MYH2: variants seen among roughly 807,000 people sequenced by gnomAD.
MYH2 encodes the protein myosin heavy chain 2.
MYH2 carries 139 observed loss-of-function variants against 228.1 expected under a neutral mutation model. That is an observed-to-expected ratio of 0.61 (90% CI 0.53 to 0.70). The LOEUF is 0.70. Ranked by LOEUF, MYH2 falls within the 30% of genes least tolerant of loss-of-function variation. The probability of loss-of-function intolerance (pLI) is 0.00; values close to 1 mark genes in which losing one functional copy is unlikely to be tolerated. For synonymous variants in MYH2, 796 were observed against 871.1 expected, an observed-to-expected ratio of 0.91 and a Z score of 1.52; for missense variants, 1,809 against 2,357.5, an observed-to-expected ratio of 0.77 and a Z score of 4.82.
rs371720928 is a variant in MYH2, at chr17:10,525,887, A to T, written c.4188-11T>A. 6.2e-7 allele frequency: 1 copy of T among 1,613,708 alleles called. No individual in the cohort carries two copies. The highest frequency in any genetic ancestry group is 1.1e-5 in the South Asian group (1 of 91,066). ...TGGGCCAGCTTCTTCCTTGAATATT[A>T]TACATGTTTTCAGAGAGAAGTGAAC... is the stretch of plus-strand genomic sequence containing the variant. On this transcript the variant is annotated splice_polypyrimidine_tract_variant and intron_variant, in intron 30 of 39. Coordinates refer to ENST00000245503, the MANE Select transcript of MYH2 (RefSeq NM_017534.6). This position sits in a 1 kb window ranked among gnomAD's most constrained non-coding sequence, Gnocchi z 4.2.
In MYH2 at chr17:10,525,743, T is replaced by C; in HGVS notation, c.4321A>G (p.Thr1441Ala). ...VEDLMLDVER[T>A]NAACAALDKK... Reference sequence around the variant, plus strand: ...TCAAGGGCGGCACAGGCGGCATTTGTCCTCTCCACATCAAGCATGAGGTCC... The same window carrying C: ...TCAAGGGCGGCACAGGCGGCATTTGCCCTCTCCACATCAAGCATGAGGTCC... Residue 1441 changes from threonine to alanine, a missense_variant, in exon 31 of 40, where the codon ACA (threonine) becomes GCA (alanine). This residue lies in a region of MYH2 where 636 missense variants were observed against 729.9 expected (regional missense o/e 0.87). Coordinates refer to ENST00000245503, the MANE Select transcript of MYH2 (RefSeq NM_017534.6). This position sits in a 1 kb window ranked among gnomAD's most constrained non-coding sequence, Gnocchi z 4.2. 1 of 1,614,206 alleles carries C rather than the reference T, an allele frequency of 6.2e-7. No homozygotes were observed.
Position 10,544,018 on chromosome 17 carries a change from T to C in MYH2, c.534-2A>G, listed in dbSNP as rs1360288326. 1 of 1,614,186 alleles carries C rather than the reference T, an allele frequency of 6.2e-7. No homozygotes were observed. The highest frequency in any genetic ancestry group is 1.7e-5 in the Admixed American group (1 of 60,018). On this transcript the variant is annotated splice_acceptor_variant, in intron 6 of 39. Coordinates refer to ENST00000245503, the MANE Select transcript of MYH2 (RefSeq NM_017534.6). LOFTEE classifies it high-confidence loss of function. ...GTCTTCCCTGCACCAGATTCTCCAC[T>C]GTCAAATCAAAACTCAATCAGATGT...
chr17:10,544,326 A>G (rs1389972461), intron 5 of MYH2, among the ~76,000 whole-genome samples, 199 bp from the exon 6 acceptor site: 1 of 152,150 alleles, frequency 6.6e-6, no homozygotes, highest in Non-Finnish European at 1.5e-5. Context: ...CACTACTTTT[A>G]TTGGTTTTAT....
chr17:10,547,743 CTT>C lies in MYH2; in HGVS notation c.176_177del (p.Lys59SerfsTer6), dbSNP rs2073654038. On this transcript the variant is annotated frameshift_variant, in exon 3 of 40. Coordinates refer to ENST00000245503, the MANE Select transcript of MYH2 (RefSeq NM_017534.6). LOFTEE classifies it high-confidence loss of function. ...GCTCCTCCCTCAGTCTTCACCGTCA[CTT>C]TTCCTCCTTCTCTGCTCTGGATGGT... ...KGTIQSREGG[K>X]VTVKTEGGAT... 1 of 1,614,256 alleles carries C rather than the reference CTT, an allele frequency of 6.2e-7. No homozygotes were observed. Among genetic ancestry groups the C allele is most frequent in the East Asian group, 2.2e-5 (1 of 44,882 alleles).
rs2073389994 is a variant in MYH2, at chr17:10,528,985, T to A, written c.3449A>T (p.Glu1150Val). The change falls in exon 27 of 40, where the codon GAG (glutamate) becomes GTG (valine). Residue 1150 changes from glutamate to valine, a missense_variant. Transcript: ENST00000245503. ...TTCTTCCAGCCTCTCGCTGATCTCC[T>A]CCAGCTCCCGGGAGAGGTCAGAGCG... is the stretch of plus-strand genomic sequence containing the variant. ...KQRSDLSREL[E>V]EISERLEEAG... is the part of the protein sequence containing the mutation. The A allele has an allele frequency of 6.2e-7, 1 of 1,614,070 alleles. No individual in the cohort carries two copies. Among genetic ancestry groups the A allele is most frequent in the African/African-American group, 1.3e-5 (1 of 74,950 alleles).
intron 10 of MYH2, among the ~76,000 whole-genome samples, chr17:10,541,632 A>G (rs2142316224): frequency 1.3e-5 from 2 of 152,214 alleles, no homozygotes; most frequent in Admixed American, 1.3e-4. Flanking sequence ...TGTGACCCAC[A>G]CCCTATTCGT....
intron 21 of MYH2, among the ~76,000 whole-genome samples, chr17:10,532,276 G>T (rs1597452264): frequency 6.6e-6 from 1 of 152,270 alleles, no homozygotes; most frequent in South Asian, 2.1e-4. Context: ...GTATGTCAGT[G>T]CTTCTCAAAC....
Position 10,543,724 on chromosome 17 carries a change from T to C in MYH2, c.728A>G (p.Asn243Ser). 2 of 1,613,836 alleles carry C rather than the reference T, an allele frequency of 1.2e-6. No individual in the cohort carries two copies. The highest frequency in any genetic ancestry group is 1.7e-5 in the Admixed American group (1 of 59,968). ...CAAGAGACTTACAAAGCGAGAGGAGTTGTCATTCCTCACGGTCTTGGCGTT... is the reference window on the plus strand; with the variant it reads ...CAAGAGACTTACAAAGCGAGAGGAGCTGTCATTCCTCACGGTCTTGGCGTT... ...FGNAKTVRNDNSSRFGKFIRI... is the reference protein window; with the variant it reads ...FGNAKTVRNDSSSRFGKFIRI... The change falls in exon 8 of 40, where the codon AAC becomes AGC. Residue 243 changes from asparagine (N) to serine (S), a missense_variant. By Grantham distance (46) the Asn-to-Ser change is conservative (BLOSUM62 1). Coordinates refer to ENST00000245503, the MANE Select transcript of MYH2 (RefSeq NM_017534.6).
rs770934297 is a variant in MYH2 at position 10,540,645 on chromosome 17, C to T, written c.957G>A (p.Gly319=). 7 of 1,613,908 alleles carry T rather than the reference C, an allele frequency of 4.3e-6. No individual in the cohort carries two copies. Among genetic ancestry groups the T allele is most frequent in the Non-Finnish European group, 5.1e-6 (6 of 1,179,776 alleles). ...NPYDYPFVSQ[G]EISVASIDDQ... Reference sequence around the variant, plus strand: ...CATCGATGCTGGCCACACTGATCTCCCCTTGACTGACAAATGGGTAATCAT... The same window carrying T: ...CATCGATGCTGGCCACACTGATCTCTCCTTGACTGACAAATGGGTAATCAT... The change falls in exon 11 of 40, where the codon GGG becomes GGA. Residue 319 remains glycine (G), a synonymous_variant. Transcript: ENST00000245503.
chr17:10,535,795 C>G (rs1376552703), intron 17 of MYH2, among the ~76,000 whole-genome samples: 6 of 152,206 alleles, frequency 3.9e-5, no homozygotes, highest in Non-Finnish European at 7.3e-5. Context: ...TTTTCCAGCT[C>G]TATCAATTTT....
rs1567738434 is a variant in MYH2, at chr17:10,547,472, C to T, written c.348+3G>A. 6.2e-7 allele frequency: 1 copy of T among 1,614,082 alleles called. No homozygotes were observed. The highest frequency in any genetic ancestry group is 8.5e-7 in the Non-Finnish European group (1 of 1,179,978). On this transcript the variant is annotated splice_donor_region_variant and intron_variant, in intron 4 of 39. Coordinates refer to ENST00000245503, the MANE Select transcript of MYH2 (RefSeq NM_017534.6). ...ATACAGAGCACTGGCAGGGGACACT[C>T]ACGTAGATCATCCAGGCTGCATAAC... is the stretch of plus-strand genomic sequence containing the variant.
intron 14 of MYH2, among the ~76,000 whole-genome samples, chr17:10,538,274 C>T (rs1027526507): frequency 9.6e-5 from 14 of 145,086 alleles, no homozygotes; most frequent in African/African-American, 3.3e-4. Context: ...GGCAAGTGAA[C>T]AATAATTTGC....
rs1347399950 is a variant in MYH2 at position 10,530,013 on chromosome 17, T to G, written c.2759A>C (p.Gln920Pro). 2 of 1,614,186 alleles carry G rather than the reference T, an allele frequency of 1.2e-6. No homozygotes were observed. The highest frequency in any genetic ancestry group is 4.5e-5 in the East Asian group (2 of 44,878). The change falls in exon 23 of 40, where the codon CAG becomes CCG. Residue 920 changes from glutamine (Q) to proline (P), a missense_variant. Transcript: ENST00000245503. ...RCDQLIKTKI[Q>P]LEAKIKEVTE... ...CACCTCTTTGATTTTGGCTTCTAGCTGGATTTTGGTTTTGATTAGCTGGTC... is the reference window on the plus strand; with the variant it reads ...CACCTCTTTGATTTTGGCTTCTAGCGGGATTTTGGTTTTGATTAGCTGGTC...
chr17:10,539,938 A>G lies in MYH2; in HGVS notation c.1137T>C (p.Asp379=). The change falls in exon 12 of 40, where the codon GAT becomes GAC. Residue 379 remains aspartate, a synonymous_variant. Coordinates refer to ENST00000245503, the MANE Select transcript of MYH2 (RefSeq NM_017534.6). ...TGACTTAGTTGATACCTTCTGTGCC[A>G]TCTGGCTCTGCTTGCTCCTCACGCT... ...QKQREEQAEP[D]GTEVADKAAY... 1 of 1,614,072 alleles carries G rather than the reference A, an allele frequency of 6.2e-7. No homozygotes were observed. The highest frequency in any genetic ancestry group is 1.1e-5 in the South Asian group (1 of 91,080).
rs1030419535 is a variant in MYH2 at position 10,524,931 on chromosome 17, G to A, written c.4797C>T (p.Ile1599=). The A allele has an allele frequency of 1.9e-6, 3 of 1,613,936 alleles. No individual in the cohort carries two copies. Among genetic ancestry groups the A allele is most frequent in the Non-Finnish European group, 2.5e-6 (3 of 1,180,016 alleles). The change falls in exon 34 of 40, where the codon ATC becomes ATT. Residue 1599 remains isoleucine, a synonymous_variant. Coordinates refer to ENST00000245503, the MANE Select transcript of MYH2 (RefSeq NM_017534.6). The surrounding 1 kb of genome is among the most constrained non-coding windows in gnomAD (Gnocchi z 4.7). ...CCAGCGTGCTCTGCATGGACTCCAC[G>A]ATTCTAATGTGGTTTCTCTTCAGCT... The part of the protein sequence containing the change: ...IDQLKRNHIR[I]VESMQSTLDA...
At chr17:10,534,652 C>T (rs752659323) in intron 19 of MYH2, among the ~76,000 whole-genome samples, 220 of 152,210 alleles carry the variant, frequency 1.4e-3, no homozygotes, top group Non-Finnish European at 2.5e-3. Flanking sequence ...CATGGTGGCT[C>T]ATGCCTGTAA....
chr17:10,536,433 T>C, intron 17 of MYH2, 97 bp downstream of exon 17: 2 of 1,000,090 alleles, frequency 2.0e-6, no homozygotes, highest in South Asian at 1.5e-5. Flanking sequence ...AATAGATAAA[T>C]ATATCCTTAG....
At position 10,545,377 on chromosome 17, in the gene MYH2, G is replaced by C. The variant is rs780719632; in HGVS notation, c.474C>G (p.Ile158Met). The change falls in exon 5 of 40, where the codon ATC (isoleucine) becomes ATG (methionine). Residue 158 changes from isoleucine (I) to methionine (M), a missense_variant. By Grantham distance (10) the Ile-to-Met change is conservative. Coordinates refer to ENST00000245503, the MANE Select transcript of MYH2 (RefSeq NM_017534.6). ...GCATGAACTGATAGGCGTTGTCAGA[G>C]ATGGAGAAGATGTGGGGCGGGGCCT... The part of the protein sequence containing the change: ...RQEAPPHIFS[I>M]SDNAYQFMLT... 18 of 1,613,844 alleles carry C rather than the reference G, an allele frequency of 1.1e-5. No individual in the cohort carries two copies. The highest frequency in any genetic ancestry group is 1.4e-5 in the Non-Finnish European group (17 of 1,179,984).
intron 14 of MYH2, 85 bp downstream of exon 14, chr17:10,539,120 A>C (rs2073519161): frequency 6.2e-7 from 1 of 1,608,530 alleles, no homozygotes; most frequent in African/African-American, 1.3e-5. Flanking sequence ...TGGTAAGAAA[A>C]GGTCATAGTC....
Sources: allele counts gnomAD v4.1 joint callset (sites outside exome capture counted in the v4.1 genomes callset), GRCh38; gene constraint gnomAD v4.1.1; regional missense constraint gnomAD v4.1.1; non-coding constraint Gnocchi (gnomAD v3.1); transcripts MANE v1.5; gene names NCBI Gene and HGNC (gene_info 2026-07-23, HGNC 2026-07-21).